Variants in SCN3B observed in about 807,000 individuals in gnomAD.
SCN3B encodes sodium channel regulatory subunit beta-3.
In SCN3B, 11 loss-of-function variants were observed where a neutral mutation model predicts 25.4. The ratio of observed to expected loss-of-function variants is 0.43; its 90% CI spans 0.27 to 0.72. SCN3B has a LOEUF of 0.72. Ranked by LOEUF, SCN3B falls within the 30% of genes least tolerant of loss-of-function variation. SCN3B has a pLI of 0.18. For synonymous variants in SCN3B, 109 were observed against 110.7 expected (o/e 0.99, Z 0.09); for missense variants, 218 against 278.3 (o/e 0.78, Z 1.54).
intron 4 of SCN3B, chr11:123,639,837 G>A (rs563538600): frequency 6.3e-4 from 96 of 152,264 alleles, no homozygotes; most frequent in African/African-American, 2.2e-3. Context: ...CTTATTGAAT[G>A]AGTGAAAATA....
At position 123,642,456 on chromosome 11, in the gene SCN3B, G is replaced by A; in HGVS notation, c.435C>T (p.Val145=). 1 of 1,614,118 alleles carries A rather than the reference G, an allele frequency of 6.2e-7. No individual in the cohort carries two copies. Among genetic ancestry groups the A allele is most frequent in the African/African-American group, 1.3e-5 (1 of 75,024 alleles). ...VKTTRLIPLR[V]TEEAGEDFTS... is the part of the protein sequence containing the mutation. ...GTGCCTCAGCCTCACCCTCCTCGGT[G>A]ACTCTTAGGGGGATCAGCCGCGTCG... is the stretch of plus-strand genomic sequence containing the variant. Residue 145 remains valine, a synonymous_variant, in exon 4 of 7, where the codon GTC becomes GTT. Coordinates refer to ENST00000299333, the MANE Select transcript of SCN3B (RefSeq NM_001040151.2). The surrounding 1 kb of genome is among the most constrained non-coding windows in gnomAD (Gnocchi z 4.3).
At chr11:123,644,800 A>AGAGAGAGAG (rs1272015067) in intron 3 of SCN3B, among the ~76,000 whole-genome samples, 3 of 45,578 alleles carry the variant, frequency 6.6e-5, no homozygotes, top group African/African-American at 2.3e-4. Context: ...AGAGAGAGAG[A>AGAGAGAGAG]ATATATATAT....
intron 2 of SCN3B, 98 bp downstream of exon 2, chr11:123,653,649 G>T: frequency 7.1e-7 from 1 of 1,407,392 alleles, no homozygotes; most frequent in Non-Finnish European, 1.0e-6. Flanking sequence ...AGGCAAGCCA[G>T]CCAGAGCTCT....
At chr11:123,634,300 C>G in intron 5 of SCN3B, 94 bp from the exon 6 acceptor site, 1 of 942,102 alleles carries the variant, frequency 1.1e-6, no homozygotes. Flanking sequence ...CAAGGATCTA[C>G]AGAACAGCTC....
intron 2 of SCN3B, among the ~76,000 whole-genome samples, chr11:123,648,841 T>C (rs1955886319): frequency 6.6e-6 from 1 of 152,026 alleles, no homozygotes; most frequent in African/African-American, 2.4e-5. Context: ...AACGTGAGAA[T>C]AGAAGGGGAT....
Position 123,642,421 on chromosome 11 carries a change from T to G in SCN3B, c.445+25A>C, listed in dbSNP as rs748870408. The G allele has an allele frequency of 6.2e-7, 1 of 1,611,102 alleles. No homozygotes were observed. Among genetic ancestry groups the G allele is most frequent in the Non-Finnish European group, 8.5e-7 (1 of 1,177,474 alleles). Reference sequence around the variant, plus strand: ...CCTGTCCACAGAGAGCAGGACGCCCTAGAGACCCTGTGCCTCAGCCTCACC... The same window carrying G: ...CCTGTCCACAGAGAGCAGGACGCCCGAGAGACCCTGTGCCTCAGCCTCACC... On this transcript the variant is annotated intron_variant, in intron 4 of 6. Transcript: ENST00000299333. The surrounding 1 kb of genome is among the most constrained non-coding windows in gnomAD (Gnocchi z 4.3).
chr11:123,653,032 C>T (rs557440373), intron 2 of SCN3B, among the ~76,000 whole-genome samples: 103 of 152,162 alleles, frequency 6.8e-4, no homozygotes, highest in Non-Finnish European at 1.3e-3. Context: ...GGAAGGTCAC[C>T]TCAGTTTCTC....
At chr11:123,648,129 G>T (rs1197051481) in intron 2 of SCN3B, among the ~76,000 whole-genome samples, 1 of 152,194 alleles carries the variant, frequency 6.6e-6, no homozygotes, top group Non-Finnish European at 1.5e-5. Context: ...GGAACCTCAA[G>T]GCACATTCAT....
chr11:123,638,764 G>A (rs753808313), intron 4 of SCN3B: 3 of 261,532 alleles, frequency 1.1e-5, no homozygotes, highest in Non-Finnish European at 2.2e-5. Context: ...CTACACAGAT[G>A]TAAGGAACAT....
At chr11:123,648,442 C>T (rs1056333154) in intron 2 of SCN3B, among the ~76,000 whole-genome samples, 1 of 152,036 alleles carries the variant, frequency 6.6e-6, no homozygotes, top group African/African-American at 2.4e-5. Flanking sequence ...CGTTTATTTC[C>T]CAAATATACT....
chr11:123,653,186 A>G lies in SCN3B; in HGVS notation c.55+561T>C, dbSNP rs1447528088. ...AGAAGAAGAAGAAAAAGAAAGATGC[A>G]TTTCACAGTTGCCTATTTATTTAAT... On this transcript the variant is annotated intron_variant, in intron 2 of 6. Transcript: ENST00000299333. 2.0e-5 allele frequency among the ~76,000 whole-genome samples: 3 copies of G among 152,234 alleles called. No homozygotes were observed. In the East Asian group the frequency reaches 5.8e-4, roughly 29 times the overall value.
At chr11:123,651,342 T>A (rs2137254345) in intron 2 of SCN3B, among the ~76,000 whole-genome samples, 1 of 152,002 alleles carries the variant, frequency 6.6e-6, no homozygotes, top group East Asian at 1.9e-4. Context: ...TCAAATGAAA[T>A]TGTATCTGTG....
chr11:123,645,702 G>A lies in SCN3B; in HGVS notation c.104C>T (p.Ala35Val). Reference sequence around the variant, plus strand: ...CAGCTTCATGGGGTTGCCCTGCACGGCCTCCGTCTCCGAGGGCACTTCCAC... The same window carrying A: ...CAGCTTCATGGGGTTGCCCTGCACGACCTCCGTCTCCGAGGGCACTTCCAC... ...VCVEVPSETE[A>V]VQGNPMKLRC... The change falls in exon 3 of 7, where the codon GCC (alanine) becomes GTC (valine). Residue 35 changes from alanine to valine, a missense_variant. By Grantham distance (64) the Ala-to-Val change is moderately conservative (BLOSUM62 0). Transcript: ENST00000299333. 1.2e-6 allele frequency: 2 copies of A among 1,614,120 alleles called. No individual in the cohort carries two copies. Among genetic ancestry groups the A allele is most frequent in the Non-Finnish European group, 1.7e-6 (2 of 1,180,028 alleles).
At chr11:123,636,349 A>G (rs1035328320) in intron 5 of SCN3B, among the ~76,000 whole-genome samples, 5 of 152,196 alleles carry the variant, frequency 3.3e-5, no homozygotes, top group Non-Finnish European at 4.4e-5. Flanking sequence ...AATAGTAGGT[A>G]TAGATAATGA....
Position 123,642,552 on chromosome 11 carries a change from G to A in SCN3B, c.339C>T (p.Asn113=), listed in dbSNP as rs142613556. The part of the protein sequence containing the change: ...VSITVLNVTL[N]DSGLYTCNVS... ...CATTGCAGGTGTAGAGGCCAGAGTC[G>A]TTCAGAGTGACGTTGAGCACAGTGA... Residue 113 remains asparagine (N), a synonymous_variant, in exon 4 of 7, where the codon AAC becomes AAT. Transcript: ENST00000299333. This position sits in a 1 kb window ranked among gnomAD's most constrained non-coding sequence, Gnocchi z 4.3. 138 of 1,614,170 alleles carry A rather than the reference G, an allele frequency of 8.5e-5. No individual in the cohort carries two copies. The highest frequency in any genetic ancestry group is 5.6e-4 in the East Asian group (25 of 44,882).
Position 123,632,258 on chromosome 11 carries a change from C to A in SCN3B, c.*1541G>T, listed in dbSNP as rs1292248528. 6.6e-6 allele frequency: 1 copy of A among 152,234 alleles called. No homozygotes were observed. Among genetic ancestry groups the A allele is most frequent in the Non-Finnish European group, 1.5e-5 (1 of 68,038 alleles). 9.4% of individuals were successfully genotyped at this position (152,234 alleles called of 1,614,324 possible). A position where few individuals can be genotyped will look rare whatever the true frequency, so the allele number is the denominator to read the frequency against. ...CTGCTCATTTACTTATGATCCATCT[C>A]AGACTAAACATTTTTCTTAGTTTAA... On this transcript the variant is annotated 3_prime_UTR_variant, in exon 7 of 7. Coordinates refer to ENST00000299333, the MANE Select transcript of SCN3B (RefSeq NM_001040151.2).
chr11:123,649,457 G>A (rs759650780), intron 2 of SCN3B, among the ~76,000 whole-genome samples: 3 of 152,124 alleles, frequency 2.0e-5, no homozygotes, highest in Non-Finnish European at 4.4e-5. Flanking sequence ...TGATCCTGAA[G>A]AGTACATTGA....
At chr11:123,638,392 A>G in intron 4 of SCN3B, 68 bp from the exon 5 acceptor site, 1 of 1,596,126 alleles carries the variant, frequency 6.3e-7, no homozygotes, top group African/African-American at 1.3e-5. Flanking sequence ...TTGGAGCCAT[A>G]TTTTTAAGTA....
intron 2 of SCN3B, among the ~76,000 whole-genome samples, chr11:123,647,185 G>A (rs1208789733): frequency 1.3e-5 from 2 of 152,178 alleles, no homozygotes; most frequent in Non-Finnish European, 2.9e-5. Context: ...ATATTTGAAA[G>A]TAAGACGAGG....
Sources: gnomAD v4.1 joint callset for allele counts (sites outside exome capture counted in the v4.1 genomes callset) on GRCh38, gnomAD v4.1.1 for gene constraint, Gnocchi (gnomAD v3.1) non-coding constraint, MANE v1.5 for transcripts, NCBI Gene and HGNC (gene_info 2026-07-23, HGNC 2026-07-21) for gene names.